The following PRPS2 variants were observed in gnomAD, a reference collection of about 807,000 sequenced individuals.
PRPS2 encodes the protein ribose-phosphate pyrophosphokinase 2.
For synonymous variants in PRPS2, 111 were observed against 115.3 expected (o/e 0.96, Z 0.24); for missense variants, 104 against 271.5 (o/e 0.38, Z 4.34).
At chrX:12,794,940 G>T (rs184916333) in intron 1 of PRPS2, among the ~76,000 whole-genome samples, 3 of 111,916 alleles carry the variant, frequency 2.7e-5, no homozygotes, top group South Asian at 3.8e-4. Context: ...CTGTTGCTGC[G>T]GTATCTTACA....
Position 12,809,441 on chromosome X carries a change from T to C in PRPS2, c.405+109T>C, listed in dbSNP as rs2042611560. On this transcript the variant is annotated intron_variant, in intron 3 of 6. Coordinates refer to ENST00000380668, the MANE Select transcript of PRPS2 (RefSeq NM_002765.5). ...TATATATGGCTACTCTCTTGGATTTTTGTCTTTACTAAACTTGAAAATATA... is the reference window on the plus strand; with the variant it reads ...TATATATGGCTACTCTCTTGGATTTCTGTCTTTACTAAACTTGAAAATATA... 5 of 770,107 alleles carry C rather than the reference T, an allele frequency of 6.5e-6. No homozygotes were observed. The Admixed American group carries it at 1.7e-4, about 26-fold the overall frequency. The allele number at this position is 770,107 out of a possible 1,213,427, so 63.5% of individuals were successfully genotyped here. A position where few individuals can be genotyped will look rare whatever the true frequency, so the allele number is the denominator to read the frequency against.
At chrX:12,796,852 A>ATTTTTTT (rs35240522) in intron 1 of PRPS2, among the ~76,000 whole-genome samples, 1 of 34,240 alleles carries the variant, frequency 2.9e-5, no homozygotes, top group Non-Finnish European at 4.8e-5. Context: ...AGTATTTCAG[A>ATTTTTTT]TTTTTTTTTT....
intron 1 of PRPS2, among the ~76,000 whole-genome samples, chrX:12,793,724 GT>G (rs1357511454): frequency 8.9e-6 from 1 of 112,380 alleles, no homozygotes; most frequent in Non-Finnish European, 1.9e-5. Context: ...AATTGATTCA[GT>G]TCATGTAAGG....
intron 4 of PRPS2, among the ~76,000 whole-genome samples, chrX:12,818,624 T>A (rs1318093074): frequency 9.0e-6 from 1 of 111,633 alleles, no homozygotes; most frequent in Non-Finnish European, 1.9e-5. Flanking sequence ...CGTCTTAAGT[T>A]GGGCCATGTG....
chrX:12,807,890 T>G (rs184281771), intron 2 of PRPS2, among the ~76,000 whole-genome samples: 1 of 88,583 alleles, frequency 1.1e-5, no homozygotes, highest in Non-Finnish European at 2.2e-5. Flanking sequence ...TTTTTTGAGA[T>G]GGAGTCTCGC....
chrX:12,809,019 G>A (rs1308038993), intron 2 of PRPS2, among the ~76,000 whole-genome samples: 1 of 112,000 alleles, frequency 8.9e-6, no homozygotes, highest in East Asian at 2.8e-4. Context: ...TATACCCAGC[G>A]TCAAGCACTT....
intron 2 of PRPS2, among the ~76,000 whole-genome samples, chrX:12,802,073 T>G (rs923315036): frequency 1.7e-4 from 19 of 112,979 alleles, no homozygotes; most frequent in Admixed American, 1.6e-3. Context: ...ATTTTGTTCA[T>G]TAAGTGATAA....
chrX:12,806,176 T>C (rs1024033012), intron 2 of PRPS2, among the ~76,000 whole-genome samples: 3 of 112,470 alleles, frequency 2.7e-5, no homozygotes, highest in Non-Finnish European at 5.6e-5. Context: ...TTCTTTTTTC[T>C]TTTTTCAAAA....
intron 2 of PRPS2, among the ~76,000 whole-genome samples, chrX:12,806,325 T>C (rs2042593630): frequency 8.9e-6 from 1 of 112,263 alleles, no homozygotes; most frequent in Admixed American, 9.5e-5. Flanking sequence ...ATTTTACACT[T>C]TTCAAAAGGT....
intron 1 of PRPS2, among the ~76,000 whole-genome samples, chrX:12,795,383 T>A (rs1433252183): frequency 8.9e-6 from 1 of 112,045 alleles, no homozygotes; most frequent in Non-Finnish European, 1.9e-5. Flanking sequence ...CTGTGTTTTG[T>A]CAACCTCTCA....
At chrX:12,808,575 A>G (rs2042606253) in intron 2 of PRPS2, among the ~76,000 whole-genome samples, 1 of 112,550 alleles carries the variant, frequency 8.9e-6, no homozygotes, top group African/African-American at 3.2e-5. Flanking sequence ...GACACTAAGT[A>G]TGAAATTAAA....
chrX:12,791,677 C>T, intron 1 of PRPS2, 58 bp downstream of exon 1: 9 of 893,778 alleles, frequency 1.0e-5, no homozygotes, highest in Non-Finnish European at 1.2e-5. Context: ...GCTGCGGGGC[C>T]GGGTTGGGGG....
intron 6 of PRPS2, among the ~76,000 whole-genome samples, chrX:12,821,754 C>A (rs2042677440): frequency 8.9e-6 from 1 of 112,339 alleles, no homozygotes; most frequent in Non-Finnish European, 1.9e-5. Flanking sequence ...GCAGGCTGAG[C>A]TGAGGATCTT....
chrX:12,811,378 C>G (rs950957952), intron 4 of PRPS2, among the ~76,000 whole-genome samples: 2 of 111,622 alleles, frequency 1.8e-5, no homozygotes, highest in Admixed American at 1.9e-4. Flanking sequence ...CAGAGATACT[C>G]GAGGCGTTAA....
chrX:12,810,089 A>C lies in PRPS2; in HGVS notation c.473A>C (p.Asn158Thr). The stretch of plus-strand genomic sequence containing the variant: ...GCAGTCCTGCAGTGGATTCGGGAAA[A>C]CATTGCCGAGTGGAAGAACTGTATC... The part of the protein sequence containing the change: ...EPAVLQWIRE[N>T]IAEWKNCIIV... Residue 158 changes from asparagine (N) to threonine (T), a missense_variant, in exon 4 of 7, where the codon AAC (asparagine) becomes ACC (threonine). By Grantham distance (65) the Asn-to-Thr change is moderately conservative. Coordinates refer to ENST00000380668, the MANE Select transcript of PRPS2 (RefSeq NM_002765.5). 3 of 1,212,028 alleles carry C rather than the reference A, an allele frequency of 2.5e-6. No homozygotes were observed. The highest frequency in any genetic ancestry group is 3.4e-6 in the Non-Finnish European group (3 of 895,491).
chrX:12,821,673 G>A (rs2042676927), intron 6 of PRPS2, among the ~76,000 whole-genome samples: 2 of 111,843 alleles, frequency 1.8e-5, no homozygotes, highest in Middle Eastern at 4.2e-3. Flanking sequence ...ATCTTAGCCA[G>A]ATAGATAAAT....
intron 2 of PRPS2, among the ~76,000 whole-genome samples, chrX:12,801,302 C>T (rs1487128643): frequency 9.2e-6 from 1 of 108,824 alleles, no homozygotes; most frequent in African/African-American, 3.4e-5. Context: ...CAGCCAAAAC[C>T]TTAGGTCACA....
chrX:12,795,238 A>G (rs759207325), intron 1 of PRPS2, among the ~76,000 whole-genome samples: 3 of 111,775 alleles, frequency 2.7e-5, no homozygotes, highest in African/African-American at 6.5e-5. Flanking sequence ...CCTGAATGCT[A>G]TCTGCAAATT....
rs1166958318 is a variant in PRPS2, at chrX:12,799,342, T to C, written c.258T>C (p.Thr86=). ...ACKIASSSRV[T]AVIPCFPYAR... is the part of the protein sequence containing the mutation. ...AGATTGCGTCATCATCCAGAGTAAC[T>C]GCCGTGATCCCGTGTTTCCCATACG... is the stretch of plus-strand genomic sequence containing the variant. The change falls in exon 2 of 7, where the codon ACT becomes ACC. Residue 86 remains threonine (T), a synonymous_variant. Coordinates refer to ENST00000380668, the MANE Select transcript of PRPS2 (RefSeq NM_002765.5). 11 of 1,211,470 alleles carry C rather than the reference T, an allele frequency of 9.1e-6. No homozygotes were observed. In the South Asian group the frequency reaches 1.9e-4, roughly 21 times the overall value.
Sources: gnomAD v4.1 joint callset for allele counts (sites outside exome capture counted in the v4.1 genomes callset) on GRCh38, gnomAD v4.1.1 for gene constraint, MANE v1.5 for transcripts, NCBI Gene and HGNC (gene_info 2026-07-23, HGNC 2026-07-21) for gene names.